Variants in MCC observed in about 807,000 individuals in gnomAD.
MCC encodes the protein MCC regulator of Wnt signaling pathway.
MCC carries 90 observed loss-of-function variants against 116.2 expected under a neutral mutation model. That is an observed-to-expected ratio of 0.77 (90% CI 0.65 to 0.92). MCC has a LOEUF of 0.92. MCC is among the 40% of genes least tolerant of loss of function. MCC has a pLI of 0.00. For missense variants in MCC, 1,516 were observed against 1,312.2 expected (o/e 1.16, Z -2.40); for synonymous variants, 578 against 510.5 (o/e 1.13, Z -1.78).
At chr5:113,202,227 G>A (rs73244739) in intron 3 of MCC, among the ~76,000 whole-genome samples, 3,589 of 152,068 alleles carry the variant, frequency 0.024, 139 homozygotes, top group African/African-American at 0.082. Flanking sequence ...AAAAAAAAAG[G>A]AAGGATGGGG....
chr5:113,415,487 AC>A (rs1770118806), intron 1 of MCC, among the ~76,000 whole-genome samples: 1 of 151,886 alleles, frequency 6.6e-6, no homozygotes, highest in African/African-American at 2.4e-5. Flanking sequence ...TTTTTCTCTA[AC>A]CTTCTCTTCT....
At chr5:113,094,540 C>T (rs548658183) in intron 8 of MCC, among the ~76,000 whole-genome samples, 1 of 151,788 alleles carries the variant, frequency 6.6e-6, no homozygotes, top group Non-Finnish European at 1.5e-5. Flanking sequence ...CCTGCCTCAG[C>T]CTCCCAAGCA....
At chr5:113,053,070 T>C (rs1363934162) in intron 15 of MCC, among the ~76,000 whole-genome samples, 1 of 152,148 alleles carries the variant, frequency 6.6e-6, no homozygotes, top group African/African-American at 2.4e-5. Context: ...ACAGGCAAAG[T>C]GATGTCTTGT....
At position 113,340,734 on chromosome 5, in the gene MCC, A is replaced by T. The variant is rs372808958; in HGVS notation, c.416-4T>A. ...TCCCTGGCTGCTGATAAGGCACCTAAGTCCGAGAGAAGCAGAGAAAATGAA... is the reference window on the plus strand; with the variant it reads ...TCCCTGGCTGCTGATAAGGCACCTATGTCCGAGAGAAGCAGAGAAAATGAA... On this transcript the variant is annotated splice_polypyrimidine_tract_variant and splice_region_variant and intron_variant, in intron 2 of 18. Transcript: ENST00000408903. 1 of 1,612,196 alleles carries T rather than the reference A, an allele frequency of 6.2e-7. No individual in the cohort carries two copies. Among genetic ancestry groups the T allele is most frequent in the African/African-American group, 1.3e-5 (1 of 74,990 alleles).
intron 11 of MCC, among the ~76,000 whole-genome samples, chr5:113,075,945 G>A (rs1257809413): frequency 6.6e-6 from 1 of 152,186 alleles, no homozygotes; most frequent in African/African-American, 2.4e-5. Flanking sequence ...TTTAAGAGCT[G>A]TAACTCACTG....
At chr5:113,433,609 AGAG>A (rs1770736533) in intron 1 of MCC, 4 of 1,210,932 alleles carry the variant, frequency 3.3e-6, no homozygotes, top group South Asian at 3.2e-5. Flanking sequence ...TCAAGGGGAG[AGAG>A]AAGAAGCTGA....
chr5:113,291,299 A>G (rs186978945), intron 3 of MCC, among the ~76,000 whole-genome samples: 58 of 152,314 alleles, frequency 3.8e-4, no homozygotes, highest in Admixed American at 9.8e-4. Flanking sequence ...TACTAGGTGC[A>G]GAGGCCAACA....
intron 1 of MCC, among the ~76,000 whole-genome samples, chr5:113,454,666 C>A (rs1771494841): frequency 6.6e-6 from 1 of 152,066 alleles, no homozygotes; most frequent in Non-Finnish European, 1.5e-5. Flanking sequence ...ACTGAAAGTA[C>A]TTAATATTTG....
intron 3 of MCC, among the ~76,000 whole-genome samples, chr5:113,158,960 G>A (rs369292291): frequency 7.9e-5 from 12 of 152,060 alleles, no homozygotes; most frequent in Non-Finnish European, 1.3e-4. Flanking sequence ...GATGTGGGGC[G>A]GGGGTGAGGT....
At chr5:113,272,493 T>C (rs914370560) in intron 3 of MCC, among the ~76,000 whole-genome samples, 2 of 152,236 alleles carry the variant, frequency 1.3e-5, no homozygotes, top group Non-Finnish European at 2.9e-5. Context: ...CAATTTAAAA[T>C]TGGGCTCTAC....
At chr5:113,075,545 T>C (rs1250577710) in intron 11 of MCC, among the ~76,000 whole-genome samples, 1 of 152,066 alleles carries the variant, frequency 6.6e-6, no homozygotes, top group African/African-American at 2.4e-5. Context: ...AGCTGGAGGA[T>C]TGTAATTGCA....
At chr5:113,301,727 G>A (rs941857435) in intron 3 of MCC, among the ~76,000 whole-genome samples, 2 of 152,040 alleles carry the variant, frequency 1.3e-5, no homozygotes, top group African/African-American at 2.4e-5. Flanking sequence ...AACAGTAAGG[G>A]CAAAAAGCCT....
rs139916285 is a variant in MCC, at chr5:113,453,310, G to A, written c.170+34935C>T. 7.6e-3 allele frequency among the ~76,000 whole-genome samples: 1,153 copies of A among 151,878 alleles called. 16 individuals carry two copies. The highest frequency in any genetic ancestry group is 0.027 in the African/African-American group (1,098 of 41,426). On this transcript the variant is annotated intron_variant, in intron 1 of 18. Transcript: ENST00000408903. ...ACACACAACACGTACACACACACAC[G>A]GGCACACATACAGAGAGTCCTACCA...
At position 113,242,153 on chromosome 5, in the gene MCC, T is replaced by C. The variant is rs558655660; in HGVS notation, c.628-90731A>G. 2.0e-5 allele frequency among the ~76,000 whole-genome samples: 3 copies of C among 152,320 alleles called. No homozygotes were observed. In the South Asian group the frequency reaches 6.2e-4, roughly 32 times the overall value. Reference sequence around the variant, plus strand: ...TACTGCAAGGTATACCCAGATTCATTAGAAATATTCTGGACTTAAGCAAGA... The same window carrying C: ...TACTGCAAGGTATACCCAGATTCATCAGAAATATTCTGGACTTAAGCAAGA... On this transcript the variant is annotated intron_variant, in intron 3 of 18. Coordinates refer to ENST00000408903, the MANE Select transcript of MCC (RefSeq NM_001085377.2).
At chr5:113,099,429 G>C (rs1756256002) in intron 8 of MCC, among the ~76,000 whole-genome samples, 1 of 152,150 alleles carries the variant, frequency 6.6e-6, no homozygotes, top group Non-Finnish European at 1.5e-5. Flanking sequence ...TGACAGGATG[G>C]TGTTCAACTT....
chr5:113,089,662 A>G (rs1456613242), intron 8 of MCC, among the ~76,000 whole-genome samples: 1 of 152,246 alleles, frequency 6.6e-6, no homozygotes, highest in African/African-American at 2.4e-5. Context: ...AAGCACTTGC[A>G]ATGTGCCTGG....
At chr5:113,414,913 C>T (rs530117120) in intron 1 of MCC, among the ~76,000 whole-genome samples, 1 of 152,120 alleles carries the variant, frequency 6.6e-6, no homozygotes, top group Non-Finnish European at 1.5e-5. Flanking sequence ...ACCAGTTGTT[C>T]CTTTCTTTCT....
At chr5:113,069,272 C>G (rs992051014) in intron 12 of MCC, among the ~76,000 whole-genome samples, 1 of 152,192 alleles carries the variant, frequency 6.6e-6, no homozygotes, top group Non-Finnish European at 1.5e-5. Flanking sequence ...AAAGCTCTGA[C>G]AAGAGTTTGA....
chr5:113,196,677 A>G lies in MCC; in HGVS notation c.628-45255T>C, dbSNP rs956236224. On this transcript the variant is annotated intron_variant, in intron 3 of 18. Transcript: ENST00000408903. ...ATCCTGGCTAACACGGTGAAACCCC[A>G]TCTCTATTAAAAATACAAAAAATTA... Among the ~76,000 whole-genome samples, 3 of 152,212 alleles carry G rather than the reference A, an allele frequency of 2.0e-5. No homozygotes were observed. The East Asian group carries it at 5.8e-4, about 29-fold the overall frequency.
Sources: allele counts gnomAD v4.1 joint callset (sites outside exome capture counted in the v4.1 genomes callset), GRCh38; gene constraint gnomAD v4.1.1; transcripts MANE v1.5; gene names NCBI Gene and HGNC (gene_info 2026-07-23, HGNC 2026-07-21).